Variants in USP12 observed in about 807,000 individuals in gnomAD.
USP12 encodes the protein ubiquitin carboxyl-terminal hydrolase 12.
USP12 carries 19 observed loss-of-function variants against 45.5 expected under a neutral mutation model. The observed-to-expected ratio is 0.42, with a 90% CI of 0.29 to 0.61. The LOEUF is 0.61. Ranked by LOEUF, USP12 falls within the 20% of genes least tolerant of loss-of-function variation. The probability of loss-of-function intolerance (pLI) is 0.22; values close to 1 mark genes in which losing one functional copy is unlikely to be tolerated. For synonymous variants in USP12, 149 were observed against 148.8 expected (o/e 1.00, Z -0.01); for missense variants, 242 against 447.7 (o/e 0.54, Z 4.15).
chr13:27,100,354 A>C (rs1019648543), intron 3 of USP12, among the ~76,000 whole-genome samples: 2 of 151,984 alleles, frequency 1.3e-5, no homozygotes, highest in Admixed American at 1.3e-4. Context: ...TAAGTTGCTC[A>C]TTCTAGGTCC....
chr13:27,095,579 C>CA, intron 4 of USP12, 22 bp downstream of exon 4: 1 of 1,523,186 alleles, frequency 6.6e-7, no homozygotes, highest in Non-Finnish European at 8.9e-7. Flanking sequence ...TTTCTCTATA[C>CA]AAAATTGTAT....
At chr13:27,086,355 A>G (rs1874047299) in intron 6 of USP12, among the ~76,000 whole-genome samples, 1 of 150,496 alleles carries the variant, frequency 6.6e-6, no homozygotes, top group Non-Finnish European at 1.5e-5. Context: ...TTTCATTAAC[A>G]TGGTTGCAAT....
chr13:27,103,518 C>G (rs1874967044), intron 3 of USP12, among the ~76,000 whole-genome samples: 1 of 148,522 alleles, frequency 6.7e-6, no homozygotes, highest in Non-Finnish European at 1.5e-5. Context: ...CAGTCTCTTT[C>G]AAAGAAGTAT....
chr13:27,148,255 A>C (rs1359065198), intron 1 of USP12, among the ~76,000 whole-genome samples: 1 of 152,230 alleles, frequency 6.6e-6, no homozygotes, highest in Non-Finnish European at 1.5e-5. Context: ...AACAGCAAGT[A>C]AAGTCCACAT....
intron 7 of USP12, among the ~76,000 whole-genome samples, chr13:27,074,065 G>A (rs1873363997): frequency 6.6e-6 from 1 of 152,174 alleles, no homozygotes; most frequent in Non-Finnish European, 1.5e-5. Flanking sequence ...GGAAGAAGAC[G>A]ATTATTAAAG....
chr13:27,106,694 T>C (rs1284846571), intron 2 of USP12, among the ~76,000 whole-genome samples: 5 of 151,974 alleles, frequency 3.3e-5, no homozygotes, highest in Non-Finnish European at 7.4e-5. Context: ...TGTATGTCCA[T>C]AGACCATTTA....
At chr13:27,081,899 AAC>A (rs1188882934) in intron 6 of USP12, among the ~76,000 whole-genome samples, 1 of 152,208 alleles carries the variant, frequency 6.6e-6, no homozygotes, top group Admixed American at 6.5e-5. Flanking sequence ...GATAGGTCTC[AAC>A]AGTGAGCTTA....
chr13:27,085,726 C>T (rs1873979888), intron 6 of USP12, among the ~76,000 whole-genome samples: 1 of 151,582 alleles, frequency 6.6e-6, no homozygotes, highest in Non-Finnish European at 1.5e-5. Flanking sequence ...ATTTATCCTA[C>T]AAAGTGTCCA....
chr13:27,130,906 C>T (rs1876469972), intron 1 of USP12, among the ~76,000 whole-genome samples: 1 of 152,250 alleles, frequency 6.6e-6, no homozygotes, highest in South Asian at 2.1e-4. Flanking sequence ...ATTTAAATTC[C>T]ACCACTTTGC....
intron 6 of USP12, 124 bp from the exon 7 acceptor site, chr13:27,075,512 C>T: frequency 2.4e-6 from 2 of 820,660 alleles, no homozygotes; most frequent in Non-Finnish European, 3.8e-6. Flanking sequence ...CCAGCAATGC[C>T]CAGTTTTGCA....
At chr13:27,153,026 T>C (rs1472596397) in intron 1 of USP12, among the ~76,000 whole-genome samples, 1 of 150,990 alleles carries the variant, frequency 6.6e-6, no homozygotes, top group Admixed American at 6.6e-5. Context: ...TTGTTTACAT[T>C]CAACATTTAA....
intron 2 of USP12, among the ~76,000 whole-genome samples, chr13:27,112,972 G>C (rs911769505): frequency 6.6e-6 from 1 of 152,214 alleles, no homozygotes; most frequent in African/African-American, 2.4e-5. Flanking sequence ...AATGGCTCAT[G>C]CCTGTAATCC....
chr13:27,168,233 C>A (rs1328802073), intron 1 of USP12, among the ~76,000 whole-genome samples: 1 of 152,194 alleles, frequency 6.6e-6, no homozygotes, highest in Non-Finnish European at 1.5e-5. Flanking sequence ...TGATCTAACT[C>A]TACCCACCTC....
intron 1 of USP12, among the ~76,000 whole-genome samples, chr13:27,156,693 C>A (rs1415621286): frequency 6.6e-6 from 1 of 152,086 alleles, no homozygotes; most frequent in Non-Finnish European, 1.5e-5. Context: ...TGGTGGCAGG[C>A]ACCTGTAATC....
chr13:27,084,131 T>C (rs1873891244), intron 6 of USP12, among the ~76,000 whole-genome samples: 1 of 150,102 alleles, frequency 6.7e-6, no homozygotes, highest in African/African-American at 2.5e-5. Flanking sequence ...AAAAAAAATA[T>C]GCACTTGAAG....
At chr13:27,089,736 G>GTAA in intron 6 of USP12, 147 bp downstream of exon 6, 1 of 703,168 alleles carries the variant, frequency 1.4e-6, no homozygotes, top group East Asian at 2.7e-5. Flanking sequence ...CATTTACCTA[G>GTAA]TAATACTTAA....
chr13:27,171,584 C>A lies in USP12; in HGVS notation c.48+8G>T. ...GGCAGCCCCGGCCGCCCGCTCGCCG[C>A]CACCTACCATGGTACAGATGGAGGC... On this transcript the variant is annotated splice_region_variant and intron_variant, in intron 1 of 8. Coordinates refer to ENST00000282344, the MANE Select transcript of USP12 (RefSeq NM_182488.4). 7.9e-7 allele frequency: 1 copy of A among 1,262,866 alleles called. No individual in the cohort carries two copies. The highest frequency in any genetic ancestry group is 1.4e-5 in the South Asian group (1 of 71,888). 78.2% of individuals were successfully genotyped at this position (1,262,866 alleles called of 1,614,324 possible).
intron 2 of USP12, among the ~76,000 whole-genome samples, 177 bp from the exon 3 acceptor site, chr13:27,106,121 C>T (rs1875124452): frequency 6.6e-6 from 1 of 151,954 alleles, no homozygotes; most frequent in African/African-American, 2.4e-5. Context: ...CTTTGGAAAT[C>T]ACAAAAGTAA....
intron 1 of USP12, among the ~76,000 whole-genome samples, chr13:27,135,248 G>A (rs1221027011): frequency 1.3e-5 from 2 of 151,906 alleles, no homozygotes; most frequent in Admixed American, 6.6e-5. Context: ...ACAAAACCTG[G>A]GCAATAAAGC....
Sources: allele counts gnomAD v4.1 joint callset (sites outside exome capture counted in the v4.1 genomes callset), GRCh38; gene constraint gnomAD v4.1.1; transcripts MANE v1.5; gene names NCBI Gene and HGNC (gene_info 2026-07-23, HGNC 2026-07-21).